GALNT14: variants seen among roughly 807,000 people sequenced by gnomAD.
GALNT14 encodes the protein polypeptide N-acetylgalactosaminyltransferase 14, also known as UDP-GalNAc:polypeptide N-acetylgalactosaminyltransferase 14.
A neutral mutation model predicts 77.5 loss-of-function variants in GALNT14; 60 were observed. The ratio of observed to expected loss-of-function variants is 0.77; its 90% CI spans 0.63 to 0.96. The LOEUF (loss-of-function observed/expected upper bound fraction) is 0.96, where lower values mean the gene tolerates loss of function less well. Ranked by LOEUF, GALNT14 falls within the 40% of genes least tolerant of loss-of-function variation. The probability of loss-of-function intolerance (pLI) is 0.00; values close to 1 mark genes in which losing one functional copy is unlikely to be tolerated. For missense variants in GALNT14, 710 were observed against 731.0 expected, an observed-to-expected ratio of 0.97 and a Z score of 0.33; for synonymous variants, 280 against 281.7, an observed-to-expected ratio of 0.99 and a Z score of 0.06.
the GALNT14 span, among the ~76,000 whole-genome samples, chr2:30,901,929 C>T: frequency 1.2e-4 from 19 of 152,228 alleles, no homozygotes; most frequent in South Asian, 2.5e-3. Flanking sequence ...GAGTGTGGGT[C>T]TTTTTTGTTG....
chr2:30,946,081 T>C (rs1666677979), intron 6 of GALNT14, among the ~76,000 whole-genome samples: 1 of 152,124 alleles, frequency 6.6e-6, no homozygotes, highest in Admixed American at 6.5e-5. Flanking sequence ...GCTAAGAGGT[T>C]TTCCTTGACT....
At chr2:30,943,118 C>G (rs1270892730) in intron 8 of GALNT14, among the ~76,000 whole-genome samples, 1 of 152,220 alleles carries the variant, frequency 6.6e-6, no homozygotes, top group Non-Finnish European at 1.5e-5. Context: ...CGGACCTCTC[C>G]TCCAGAACTG....
intron 1 of GALNT14, among the ~76,000 whole-genome samples, chr2:31,065,958 C>T (rs1035300826): frequency 6.6e-6 from 1 of 152,104 alleles, no homozygotes; most frequent in Admixed American, 6.5e-5. Context: ...AGAGTACAGG[C>T]CTTCGAGTCA....
intron 1 of GALNT14, among the ~76,000 whole-genome samples, chr2:30,993,513 G>A (rs1669840725): frequency 6.6e-6 from 1 of 152,226 alleles, no homozygotes; most frequent in African/African-American, 2.4e-5. Context: ...CTCCTCTGCT[G>A]TAGAAGGGCC....
At chr2:31,067,407 G>C (rs1222215171) in intron 1 of GALNT14, among the ~76,000 whole-genome samples, 1 of 152,116 alleles carries the variant, frequency 6.6e-6, no homozygotes, top group East Asian at 1.9e-4. Context: ...AGAGGCACAG[G>C]GGTCACCGAG....
intron 1 of GALNT14, among the ~76,000 whole-genome samples, chr2:31,111,033 A>G (rs1056754540): frequency 6.6e-6 from 1 of 152,102 alleles, no homozygotes; most frequent in Admixed American, 6.5e-5. Flanking sequence ...TCCTACCCCT[A>G]TGGTTGTTCA....
chr2:30,989,916 T>A (rs1669598373), intron 2 of GALNT14, among the ~76,000 whole-genome samples: 1 of 151,908 alleles, frequency 6.6e-6, no homozygotes, highest in Admixed American at 6.6e-5. Context: ...GCCCCTGGGC[T>A]ATTACTGCCT....
At chr2:31,110,574 A>C (rs1312279321) in intron 1 of GALNT14, among the ~76,000 whole-genome samples, 2 of 152,170 alleles carry the variant, frequency 1.3e-5, no homozygotes, top group Non-Finnish European at 2.9e-5. Flanking sequence ...CAAATGGGCG[A>C]GATGTCAGCC....
In GALNT14 at chr2:31,045,524, G is replaced by A. The variant is rs530576333; in HGVS notation, c.130-52517C>T. On this transcript the variant is annotated intron_variant, in intron 1 of 14. Transcript: ENST00000349752. ...GTCGCCCATGCTGGAGTTCAGTGGC[G>A]CAACCTCGGCTCACTGCAACCTCCG... 4.7e-4 allele frequency among the ~76,000 whole-genome samples: 72 copies of A among 152,120 alleles called. 1 individual carries two copies. In the South Asian group the frequency reaches 4.8e-3, roughly 10 times the overall value.
chr2:30,902,429 T>C, the GALNT14 span, among the ~76,000 whole-genome samples: 1 of 152,116 alleles, frequency 6.6e-6, no homozygotes, highest in African/African-American at 2.4e-5. Context: ...CCCATCTCCT[T>C]TAGCAGACTA....
At chr2:31,081,012 G>A (rs373232273) in intron 1 of GALNT14, among the ~76,000 whole-genome samples, 7 of 152,320 alleles carry the variant, frequency 4.6e-5, no homozygotes, top group African/African-American at 1.2e-4. Context: ...GCCTCAAGAT[G>A]TAAGGGGTTC....
intron 1 of GALNT14, among the ~76,000 whole-genome samples, chr2:31,001,601 A>C (rs565906506): frequency 1.3e-5 from 2 of 152,298 alleles, no homozygotes; most frequent in East Asian, 3.9e-4. Flanking sequence ...GAATTCCCAC[A>C]AAGCTCATCA....
At chr2:30,901,852 T>C in the GALNT14 span, among the ~76,000 whole-genome samples, 2 of 152,168 alleles carry the variant, frequency 1.3e-5, no homozygotes, top group African/African-American at 4.8e-5. Flanking sequence ...ATGGTGAGAC[T>C]GCTCTAGGGT....
intron 1 of GALNT14, among the ~76,000 whole-genome samples, chr2:31,078,132 TG>T (rs1278733346): frequency 6.6e-6 from 1 of 152,170 alleles, no homozygotes; most frequent in Non-Finnish European, 1.5e-5. Context: ...GTGGAGACAG[TG>T]CAGGTTCTGA....
downstream of GALNT14, among the ~76,000 whole-genome samples, chr2:30,909,642 G>A (rs1031394363): frequency 2.0e-5 from 3 of 151,934 alleles, no homozygotes; most frequent in African/African-American, 7.3e-5. Context: ...TATTGTGGAA[G>A]TCAGTGTGGC....
chr2:31,034,629 AG>A (rs1205720872), intron 1 of GALNT14, among the ~76,000 whole-genome samples: 1 of 150,972 alleles, frequency 6.6e-6, no homozygotes, highest in Non-Finnish European at 1.5e-5. Context: ...CAGTTGTTTT[AG>A]ATTTAGTTTA....
At chr2:31,123,443 G>C (rs956579715) in intron 1 of GALNT14, among the ~76,000 whole-genome samples, 3 of 152,156 alleles carry the variant, frequency 2.0e-5, no homozygotes, top group Non-Finnish European at 2.9e-5. Context: ...CTAAATAAAA[G>C]TGGGTTGCTC....
intron 2 of GALNT14, among the ~76,000 whole-genome samples, chr2:30,971,576 C>T (rs1668359760): frequency 1.3e-5 from 2 of 152,058 alleles, no homozygotes; most frequent in Non-Finnish European, 2.9e-5. Flanking sequence ...CTCAATTTTC[C>T]CCAACTTGAA....
chr2:30,939,571 C>G (rs775565702), intron 9 of GALNT14, among the ~76,000 whole-genome samples: 1 of 151,886 alleles, frequency 6.6e-6, no homozygotes, highest in Non-Finnish European at 1.5e-5. Flanking sequence ...ATGCCAGGCC[C>G]GGAAGGGGTG....
Sources: allele counts gnomAD v4.1 joint callset (sites outside exome capture counted in the v4.1 genomes callset), GRCh38; gene constraint gnomAD v4.1.1; transcripts MANE v1.5; gene names NCBI Gene and HGNC (gene_info 2026-07-23, HGNC 2026-07-21).